Variants in TRDN observed in about 807,000 individuals in gnomAD.
The protein encoded by TRDN is triadin, also known as triadin in skeletal muscle.
Under a neutral mutation model 149.7 loss-of-function variants are expected in TRDN, and 161 were observed. That is an observed-to-expected ratio of 1.08 (90% confidence interval 0.95 to 1.23). The LOEUF is 1.23. Among genes scored for constraint, TRDN ranks in the 50% most tolerant of loss-of-function variants. The probability of loss-of-function intolerance (pLI) is 0.00; values close to 1 mark genes in which losing one functional copy is unlikely to be tolerated. For missense variants in TRDN, 896 were observed against 823.5 expected (o/e 1.09, Z -1.08); for synonymous variants, 294 against 250.5 (o/e 1.17, Z -1.64).
intron 38 of TRDN, among the ~76,000 whole-genome samples, chr6:123,234,121 TTC>T (rs1488465193): frequency 7.9e-5 from 12 of 152,104 alleles, no homozygotes; most frequent in Admixed American, 7.9e-4. Flanking sequence ...GAACCAGTAC[TTC>T]TGACGCTAGT....
intron 9 of TRDN, among the ~76,000 whole-genome samples, chr6:123,468,627 G>A (rs1776973118): frequency 6.6e-6 from 1 of 152,124 alleles, no homozygotes; most frequent in African/African-American, 2.4e-5. Flanking sequence ...GAGGCTATGA[G>A]CTGAATTATG....
chr6:123,237,172 T>G (rs1775816062), intron 38 of TRDN, among the ~76,000 whole-genome samples: 1 of 46,616 alleles, frequency 2.1e-5, no homozygotes, highest in African/African-American at 1.7e-4. Flanking sequence ...TAACACGAAC[T>G]AATTTTTTTT....
intron 40 of TRDN, among the ~76,000 whole-genome samples, chr6:123,219,779 C>T (rs967127971): frequency 4.6e-5 from 7 of 151,704 alleles, no homozygotes; most frequent in Non-Finnish European, 1.0e-4. Context: ...ATACAACTTC[C>T]GTCTCTTCAA....
At chr6:123,512,745 C>A (rs1282777222) in intron 6 of TRDN, among the ~76,000 whole-genome samples, 1 of 151,778 alleles carries the variant, frequency 6.6e-6, no homozygotes, top group Non-Finnish European at 1.5e-5. Flanking sequence ...GGTAGTTTCC[C>A]AAATCATCAT....
chr6:123,393,460 T>C (rs1190070970), intron 13 of TRDN, among the ~76,000 whole-genome samples, 164 bp downstream of exon 13: 1 of 152,088 alleles, frequency 6.6e-6, no homozygotes, highest in African/African-American at 2.4e-5. Flanking sequence ...CTTGCTCCAA[T>C]TACTAAATAA....
chr6:123,219,715 T>C (rs1775077331), intron 40 of TRDN, among the ~76,000 whole-genome samples: 1 of 151,828 alleles, frequency 6.6e-6, no homozygotes, highest in Non-Finnish European at 1.5e-5. Context: ...TCTTTTCCAA[T>C]GCATCTCATC....
intron 38 of TRDN, among the ~76,000 whole-genome samples, chr6:123,227,339 G>A (rs779704883): frequency 4.6e-5 from 7 of 151,806 alleles, no homozygotes; most frequent in African/African-American, 7.2e-5. Context: ...GTACTATAAG[G>A]AAAATAACGA....
intron 21 of TRDN, among the ~76,000 whole-genome samples, chr6:123,345,961 T>G (rs1473599810): frequency 1.3e-5 from 2 of 152,070 alleles, no homozygotes; most frequent in African/African-American, 4.8e-5. Context: ...TCTACATAAA[T>G]AAGTCATATT....
intron 5 of TRDN, chr6:123,529,468 T>C: frequency 9.7e-7 from 1 of 1,025,992 alleles, no homozygotes. Context: ...AGACATAATA[T>C]CTGTAGAATG....
rs113371366 is a variant in TRDN, at chr6:123,592,763, A to T, written c.23-21631T>A. Among the ~76,000 whole-genome samples, 173 of 152,310 alleles carry T rather than the reference A, an allele frequency of 1.1e-3. 1 individual carries two copies. Among genetic ancestry groups the T allele is most frequent in the African/African-American group, 4.0e-3 (168 of 41,576 alleles). On this transcript the variant is annotated intron_variant, in intron 1 of 40. Transcript: ENST00000334268. ...GGCTTTATAAAATTGTGGTTGCTTT[A>T]GAGCTCATGTTTTTGGAACCTACTA...
chr6:123,255,063 T>TA lies in TRDN; in HGVS notation c.1951+17dup. 7.7e-7 allele frequency: 1 copy of TA among 1,303,640 alleles called. No homozygotes were observed. The highest frequency in any genetic ancestry group is 1.1e-6 in the Non-Finnish European group (1 of 939,908). The allele number at this position is 1,303,640 out of a possible 1,614,324, so 80.8% of individuals were successfully genotyped here. On this transcript the variant is annotated intron_variant, in intron 37 of 40. Transcript: ENST00000334268. Reference sequence around the variant, plus strand: ...TATGTTTTCATACAAACATAGTAGTTACGTAATTCAAGATTACCTTTTGTC... The same window carrying TA: ...TATGTTTTCATACAAACATAGTAGTTAACGTAATTCAAGATTACCTTTTGTC...
At chr6:123,584,212 G>T (rs1783296959) in intron 1 of TRDN, among the ~76,000 whole-genome samples, 1 of 152,058 alleles carries the variant, frequency 6.6e-6, no homozygotes. Context: ...GTAATTGTGG[G>T]ACTTAACAAA....
chr6:123,239,000 C>CA (rs1775890441), intron 38 of TRDN, among the ~76,000 whole-genome samples: 1 of 152,070 alleles, frequency 6.6e-6, no homozygotes, highest in African/African-American at 2.4e-5. Flanking sequence ...ACCACCACGC[C>CA]ACGCTAATTT....
chr6:123,266,180 TATATATTATA>T (rs1776952382), intron 32 of TRDN, among the ~76,000 whole-genome samples: 1 of 90,082 alleles, frequency 1.1e-5, no homozygotes, highest in South Asian at 3.5e-4. Context: ...TTATATATTA[TATATATTATA>T]ATATGTATTA....
intron 12 of TRDN, among the ~76,000 whole-genome samples, chr6:123,422,329 T>C (rs1304732478): frequency 6.6e-6 from 1 of 152,070 alleles, no homozygotes; most frequent in Non-Finnish European, 1.5e-5. Context: ...GTTTTTTCCT[T>C]GGGGTTCAGC....
chr6:123,603,547 C>T (rs1442184862), intron 1 of TRDN, among the ~76,000 whole-genome samples: 1 of 152,060 alleles, frequency 6.6e-6, no homozygotes, highest in African/African-American at 2.4e-5. Flanking sequence ...AACATTCATG[C>T]ATTTATTCTT....
chr6:123,463,773 T>C (rs2114704562), intron 10 of TRDN, among the ~76,000 whole-genome samples: 1 of 146,824 alleles, frequency 6.8e-6, no homozygotes, highest in Admixed American at 6.7e-5. Context: ...TCTATTTTCT[T>C]TCTGTTTTTT....
chr6:123,325,557 T>C (rs187269667), intron 23 of TRDN, among the ~76,000 whole-genome samples: 1 of 152,092 alleles, frequency 6.6e-6, no homozygotes, highest in Non-Finnish European at 1.5e-5. Context: ...GAATAAAATA[T>C]ATAGATTAAT....
At chr6:123,514,807 C>G (rs1779345200) in intron 6 of TRDN, among the ~76,000 whole-genome samples, 1 of 151,932 alleles carries the variant, frequency 6.6e-6, no homozygotes, top group Non-Finnish European at 1.5e-5. Context: ...TGGAAGCCAT[C>G]ATTCTCAGCA....
Sources: gnomAD v4.1 joint callset for allele counts (sites outside exome capture counted in the v4.1 genomes callset) on GRCh38, gnomAD v4.1.1 for gene constraint, MANE v1.5 for transcripts, NCBI Gene and HGNC (gene_info 2026-07-23, HGNC 2026-07-21) for gene names.